The following PRKACB variants were observed in gnomAD, a reference collection of about 807,000 sequenced individuals.
PRKACB encodes the protein protein kinase cAMP-activated catalytic subunit beta.
PRKACB carries 16 observed loss-of-function variants against 51.4 expected under a neutral mutation model. The observed-to-expected ratio is 0.31, with a 90% CI of 0.21 to 0.47. The LOEUF is 0.47. Among genes scored for constraint, PRKACB ranks in the 20% least tolerant of loss-of-function variants. PRKACB has a pLI of 1.00. For synonymous variants in PRKACB, 147 were observed against 154.4 expected (o/e 0.95, Z 0.35); for missense variants, 309 against 464.5 (o/e 0.67, Z 3.08).
At position 84,236,268 on chromosome 1, in the gene PRKACB, G is replaced by A. The variant is rs1047463121; in HGVS notation, c.*963G>A. The A allele has an allele frequency of 6.6e-6, 1 of 152,504 alleles. No individual in the cohort carries two copies. The highest frequency in any genetic ancestry group is 1.5e-5 in the Non-Finnish European group (1 of 68,008). 9.4% of individuals were successfully genotyped at this position (152,504 alleles called of 1,614,324 possible). A position where few individuals can be genotyped will look rare whatever the true frequency, so the allele number is the denominator to read the frequency against. On this transcript the variant is annotated 3_prime_UTR_variant, in exon 10 of 10. Coordinates refer to ENST00000370685, the MANE Select transcript of PRKACB (RefSeq NM_182948.4). ...AAATAAGCAAACTAAAAAGAACATT[G>A]GTTTAGATAAATACTTATACTTTGC...
intron 1 of PRKACB, among the ~76,000 whole-genome samples, chr1:84,079,153 GTGTC>G (rs960625422): frequency 9.3e-4 from 140 of 151,284 alleles, no homozygotes; most frequent in Middle Eastern, 3.5e-3. Flanking sequence ...AGGTGTGTGT[GTGTC>G]TGTGTGTTTG....
intron 1 of PRKACB, among the ~76,000 whole-genome samples, chr1:84,110,038 C>A (rs1051750657): frequency 4.0e-5 from 6 of 151,682 alleles, no homozygotes; most frequent in Admixed American, 6.6e-5. Flanking sequence ...TCTGTTCTTC[C>A]CCAAAGTGCA....
rs538813207 is a variant in PRKACB, at chr1:84,138,774, A to G, written c.47-40403A>G. Among the ~76,000 whole-genome samples the G allele has an allele frequency of 5.6e-4, 85 of 152,294 alleles. 1 individual carries two copies. In the South Asian group the frequency reaches 0.017, roughly 30 times the overall value. ...TGTATCTTTATGAACACAAACAGAA[A>G]AATCCTCAGTAAAATATTAGTAAGT... On this transcript the variant is annotated intron_variant, in intron 1 of 8. Coordinates refer to the PRKACB transcript ENST00000370688.
At chr1:84,158,598 A>G (rs1229559019) in intron 1 of PRKACB, among the ~76,000 whole-genome samples, 8 of 152,102 alleles carry the variant, frequency 5.3e-5, no homozygotes, top group African/African-American at 1.9e-4. Context: ...TAAATATCAA[A>G]TATTTCCTTC....
At chr1:84,187,583 G>A (rs994931486) in intron 5 of PRKACB, among the ~76,000 whole-genome samples, 8 of 152,090 alleles carry the variant, frequency 5.3e-5, no homozygotes, top group African/African-American at 1.9e-4. Flanking sequence ...CAGCTAACAG[G>A]ACTTCAGGAA....
intron 1 of PRKACB, among the ~76,000 whole-genome samples, chr1:84,124,788 G>C (rs905517803): frequency 2.0e-5 from 3 of 152,166 alleles, no homozygotes; most frequent in Non-Finnish European, 4.4e-5. Flanking sequence ...AGCCCATCTG[G>C]AGATTTAGTT....
chr1:84,183,996 T>C (rs1293663596), intron 3 of PRKACB, 41 bp from the exon 4 acceptor site: 1 of 1,480,710 alleles, frequency 6.8e-7, no homozygotes, highest in East Asian at 2.4e-5. Context: ...CTTTTTAATT[T>C]TGCTTAAATA....
At chr1:84,119,305 T>G (rs1650870838) in intron 1 of PRKACB, among the ~76,000 whole-genome samples, 1 of 152,080 alleles carries the variant, frequency 6.6e-6, no homozygotes, top group Admixed American at 6.6e-5. Context: ...ATCCAAAACT[T>G]TAAGAACAAG....
At chr1:84,148,320 T>C (rs1393008791) in intron 1 of PRKACB, among the ~76,000 whole-genome samples, 1 of 152,074 alleles carries the variant, frequency 6.6e-6, no homozygotes, top group Non-Finnish European at 1.5e-5. Context: ...CCTTATGTTC[T>C]TATATCATCT....
In PRKACB at chr1:84,096,093, T is replaced by C. The variant is rs569855196; in HGVS notation, c.46+17722T>C. On this transcript the variant is annotated intron_variant, in intron 1 of 8. Coordinates refer to the PRKACB transcript ENST00000370688. ...ATGGTTAGAGTTGGGTCAGATTGTGTTGATCCATCAACAATTAAGATGACT... is the reference window on the plus strand; with the variant it reads ...ATGGTTAGAGTTGGGTCAGATTGTGCTGATCCATCAACAATTAAGATGACT... Among the ~76,000 whole-genome samples, 8 of 152,176 alleles carry C rather than the reference T, an allele frequency of 5.3e-5. No homozygotes were observed. The South Asian group carries it at 1.7e-3, about 32-fold the overall frequency.
intron 1 of PRKACB, among the ~76,000 whole-genome samples, chr1:84,106,316 A>G (rs578193879): frequency 6.6e-6 from 1 of 152,302 alleles, no homozygotes; most frequent in South Asian, 2.1e-4. Flanking sequence ...GGGAAGTCAC[A>G]TTATCCCTGT....
At chr1:84,096,232 C>T (rs1430212843) in intron 1 of PRKACB, among the ~76,000 whole-genome samples, 1 of 152,006 alleles carries the variant, frequency 6.6e-6, no homozygotes, top group East Asian at 1.9e-4. Context: ...CAGGGCCCTA[C>T]CTCATGCTAG....
At chr1:84,124,864 C>T (rs921971874) in intron 1 of PRKACB, among the ~76,000 whole-genome samples, 2 of 152,150 alleles carry the variant, frequency 1.3e-5, no homozygotes, top group Non-Finnish European at 2.9e-5. Context: ...CTCATCAACA[C>T]GAAGGGCTCT....
In PRKACB at chr1:84,178,094, GCCTTT is replaced by G. The variant is rs555727994; in HGVS notation, c.188-1082_188-1078del. Among the ~76,000 whole-genome samples, 26 of 152,052 alleles carry G rather than the reference GCCTTT, an allele frequency of 1.7e-4. No individual in the cohort carries two copies. The South Asian group carries it at 5.4e-3, about 32-fold the overall frequency. On this transcript the variant is annotated intron_variant, in intron 1 of 9. Coordinates refer to ENST00000370685, the MANE Select transcript of PRKACB (RefSeq NM_182948.4). ...TCTCAAAACATTTAAAATGCCAAAA[GCCTTT>G]TTGGTTAGTAACAGTATTTTCCCAA...
intron 6 of PRKACB, among the ~76,000 whole-genome samples, chr1:84,197,423 A>T (rs41301156): frequency 0.015 from 2,233 of 152,180 alleles, 60 homozygotes; most frequent in African/African-American, 0.05. Context: ...TATTAATGCT[A>T]TTTATTTTTA....
intron 9 of PRKACB, among the ~76,000 whole-genome samples, chr1:84,227,942 T>C (rs1450827569): frequency 6.6e-6 from 1 of 152,210 alleles, no homozygotes; most frequent in Non-Finnish European, 1.5e-5. Context: ...AAGAAAGAAG[T>C]AGCCTGAACA....
chr1:84,130,323 A>G (rs1652059320), intron 1 of PRKACB, among the ~76,000 whole-genome samples: 2 of 152,128 alleles, frequency 1.3e-5, no homozygotes, highest in South Asian at 2.1e-4. Context: ...CTGCTTTGAG[A>G]CAAGATATAC....
At chr1:84,090,482 A>G (rs1648371737) in intron 1 of PRKACB, among the ~76,000 whole-genome samples, 1 of 152,210 alleles carries the variant, frequency 6.6e-6, no homozygotes, top group East Asian at 1.9e-4. Context: ...TGCACTCTAT[A>G]TGACATCAGC....
intron 1 of PRKACB, chr1:84,165,157 AG>A: frequency 1.6e-6 from 1 of 622,408 alleles, no homozygotes; most frequent in Non-Finnish European, 2.6e-6. Context: ...TAGGCATTAT[AG>A]TAAATTGCCT....
Sources: gnomAD v4.1 joint callset for allele counts (sites outside exome capture counted in the v4.1 genomes callset) on GRCh38, gnomAD v4.1.1 for gene constraint, MANE v1.5 for transcripts, NCBI Gene and HGNC (gene_info 2026-07-23, HGNC 2026-07-21) for gene names.